The following SOX6 variants were observed in gnomAD, a reference collection of about 807,000 sequenced individuals.
SOX6 encodes the protein transcription factor SOX-6.
SOX6 carries 11 observed loss-of-function variants against 97.8 expected under a neutral mutation model. That is an observed-to-expected ratio of 0.11 (90% CI 0.07 to 0.19). SOX6 has a LOEUF of 0.19. SOX6 is among the 10% of genes least tolerant of loss of function. SOX6 has a pLI of 1.00. For missense variants in SOX6, 810 were observed against 1,039.5 expected, an observed-to-expected ratio of 0.78 and a Z score of 3.04; for synonymous variants, 360 against 371.4, an observed-to-expected ratio of 0.97 and a Z score of 0.35.
At chr11:16,726,720 G>A (rs1848309112) in intron 2 of SOX6, among the ~76,000 whole-genome samples, 1 of 152,118 alleles carries the variant, frequency 6.6e-6, no homozygotes, top group Non-Finnish European at 1.5e-5. Context: ...CAAATATGGG[G>A]ACTGATGAGA....
intron 4 of SOX6, among the ~76,000 whole-genome samples, chr11:16,194,153 C>A (rs143192483): frequency 6.6e-6 from 1 of 152,264 alleles, no homozygotes; most frequent in Admixed American, 6.5e-5. Flanking sequence ...CCCAGCATAC[C>A]AGCAGCTAAT....
intron 1 of SOX6, chr11:16,402,525 G>T: frequency 1.2e-6 from 1 of 850,426 alleles, no homozygotes; most frequent in Non-Finnish European, 2.0e-6. Context: ...CCAGAGATTT[G>T]ATGGCCCACA....
rs1357624768 is a variant in SOX6, at chr11:16,520,013, G to T, written n.610-43625C>A. Reference sequence around the variant, plus strand: ...ACATGTCTTCTTTTGGGAAGTGTCTGTTCATGTCCTTTGCCCAAATTTTAA... The same window carrying T: ...ACATGTCTTCTTTTGGGAAGTGTCTTTTCATGTCCTTTGCCCAAATTTTAA... On this transcript the variant is annotated intron_variant and non_coding_transcript_variant, in intron 4 of 5. Coordinates refer to the SOX6 transcript ENST00000524520. Among the ~76,000 whole-genome samples the T allele has an allele frequency of 2.0e-5, 3 of 152,112 alleles. No homozygotes were observed. The East Asian group carries it at 5.8e-4, about 29-fold the overall frequency.
At chr11:16,145,953 C>T (rs1315003762) in intron 6 of SOX6, among the ~76,000 whole-genome samples, 3 of 152,064 alleles carry the variant, frequency 2.0e-5, no homozygotes, top group African/African-American at 7.2e-5. Context: ...TTCAATGCCA[C>T]TCCCATCAAG....
chr11:16,032,408 T>C (rs532508521), intron 12 of SOX6, among the ~76,000 whole-genome samples: 1 of 152,270 alleles, frequency 6.6e-6, no homozygotes, highest in South Asian at 2.1e-4. Context: ...AATTCATCAG[T>C]CACAAATGCC....
chr11:16,496,116 A>G (rs1347528069), intron 4 of SOX6, among the ~76,000 whole-genome samples: 1 of 152,254 alleles, frequency 6.6e-6, no homozygotes, highest in East Asian at 1.9e-4. Context: ...TCAGAAAATT[A>G]GAAGTAATTA....
chr11:16,143,812 T>A (rs1397868309), intron 6 of SOX6, among the ~76,000 whole-genome samples: 1 of 152,184 alleles, frequency 6.6e-6, no homozygotes, highest in Non-Finnish European at 1.5e-5. Context: ...GTATCCTAAA[T>A]ACATATGCAC....
chr11:16,076,867 C>T (rs1278085623), intron 9 of SOX6, among the ~76,000 whole-genome samples: 5 of 150,930 alleles, frequency 3.3e-5, no homozygotes, highest in Non-Finnish European at 7.4e-5. Context: ...CATTCTCCTG[C>T]CTCAGCCTCC....
intron 4 of SOX6, among the ~76,000 whole-genome samples, chr11:16,207,398 C>T (rs770001453): frequency 6.6e-6 from 1 of 151,946 alleles, no homozygotes; most frequent in Non-Finnish European, 1.5e-5. Context: ...GTCAGGAGAT[C>T]GAGACCATCC....
At chr11:16,474,163 T>C (rs565422883) in intron 1 of SOX6, among the ~76,000 whole-genome samples, 10 of 152,332 alleles carry the variant, frequency 6.6e-5, no homozygotes, top group Admixed American at 1.3e-4. Context: ...TCCACTTCTC[T>C]TGCTATTTCT....
chr11:16,726,331 C>T (rs570322979), intron 2 of SOX6, among the ~76,000 whole-genome samples: 1 of 152,298 alleles, frequency 6.6e-6, no homozygotes, highest in South Asian at 2.1e-4. Flanking sequence ...GCACAAGAAT[C>T]GCTTGAACCC....
chr11:16,183,618 T>C (rs1851397752), intron 6 of SOX6, among the ~76,000 whole-genome samples: 1 of 152,014 alleles, frequency 6.6e-6, no homozygotes. Flanking sequence ...GGGAGACCAT[T>C]AGGTTCCCAG....
At chr11:16,243,617 A>G (rs1315831449) in intron 3 of SOX6, among the ~76,000 whole-genome samples, 1 of 151,940 alleles carries the variant, frequency 6.6e-6, no homozygotes, top group African/African-American at 2.4e-5. Flanking sequence ...CACCCTCCCG[A>G]AAGAAGATAC....
At chr11:16,348,624 C>T (rs1465497701) in intron 1 of SOX6, among the ~76,000 whole-genome samples, 4 of 152,102 alleles carry the variant, frequency 2.6e-5, no homozygotes, top group African/African-American at 7.2e-5. Flanking sequence ...ACTTTCCAGA[C>T]ATTTCCAAGC....
At chr11:16,454,971 T>G (rs1230099233) in intron 1 of SOX6, among the ~76,000 whole-genome samples, 1 of 152,048 alleles carries the variant, frequency 6.6e-6, no homozygotes. Context: ...CTCTAAAGAC[T>G]TAGCAAGAAA....
chr11:16,451,899 T>C (rs1488517639), intron 1 of SOX6, among the ~76,000 whole-genome samples: 2 of 151,780 alleles, frequency 1.3e-5, no homozygotes, highest in African/African-American at 4.8e-5. Context: ...CCAGACATGG[T>C]GGTATGCACC....
intron 4 of SOX6, chr11:16,484,183 GT>G (rs1465668732): frequency 1.3e-6 from 1 of 792,566 alleles, no homozygotes; most frequent in Non-Finnish European, 2.3e-6. Flanking sequence ...CCTGGAAATG[GT>G]TGAAGTTGGA....
At chr11:16,274,514 G>T (rs1854341573) in intron 3 of SOX6, among the ~76,000 whole-genome samples, 1 of 151,736 alleles carries the variant, frequency 6.6e-6, no homozygotes, top group Admixed American at 6.6e-5. Context: ...TTTCTCAAAA[G>T]GATCTTTAAA....
intron 2 of SOX6, among the ~76,000 whole-genome samples, chr11:16,734,828 C>CTAGAG (rs1848379851): frequency 6.6e-6 from 1 of 152,158 alleles, no homozygotes; most frequent in Non-Finnish European, 1.5e-5. Context: ...GAGTCTAGAA[C>CTAGAG]AGTCAACAAG....
Sources: allele counts gnomAD v4.1 joint callset (sites outside exome capture counted in the v4.1 genomes callset), GRCh38; gene constraint gnomAD v4.1.1; transcripts MANE v1.5; gene names NCBI Gene and HGNC (gene_info 2026-07-23, HGNC 2026-07-21).